Variants in REPS2 observed in about 807,000 individuals in gnomAD.
The protein encoded by REPS2 is RALBP1 associated Eps domain containing 2.
Under a neutral mutation model 53.6 loss-of-function variants are expected in REPS2, and 23 were observed. The observed-to-expected ratio is 0.43, with a 90% confidence interval of 0.31 to 0.61. The LOEUF (loss-of-function observed/expected upper bound fraction) is 0.61, where lower values mean the gene tolerates loss of function less well. Ranked by LOEUF, REPS2 falls within the 20% of genes least tolerant of loss-of-function variation. REPS2 has a pLI of 0.11. For missense variants in REPS2, 446 were observed against 534.9 expected, an observed-to-expected ratio of 0.83 and a Z score of 1.64; for synonymous variants, 238 against 218.6, an observed-to-expected ratio of 1.09 and a Z score of -0.78.
At chrX:17,041,368 C>A (rs1160146085) in intron 5 of REPS2, among the ~76,000 whole-genome samples, 1 of 111,864 alleles carries the variant, frequency 8.9e-6, no homozygotes, top group Non-Finnish European at 1.9e-5. Context: ...GTAATCCCAC[C>A]TATCAGCACT....
chrX:17,000,491 C>G (rs2061293076), intron 1 of REPS2, among the ~76,000 whole-genome samples: 1 of 111,474 alleles, frequency 9.0e-6, no homozygotes, highest in African/African-American at 3.3e-5. Flanking sequence ...AGAAAATACA[C>G]TTTCTACATG....
At chrX:16,964,288 T>G (rs1233184361) in intron 1 of REPS2, among the ~76,000 whole-genome samples, 1 of 109,507 alleles carries the variant, frequency 9.1e-6, no homozygotes, top group Non-Finnish European at 1.9e-5. Flanking sequence ...TGCACCGCCC[T>G]TAATCCATTC....
chrX:17,138,654 C>A (rs766209707), intron 16 of REPS2: 3 of 292,186 alleles, frequency 1.0e-5, no homozygotes, highest in African/African-American at 8.2e-5. Context: ...GGAATTACTT[C>A]AGGTGTAAAT....
At chrX:17,160,273 A>G in the REPS2 span, among the ~76,000 whole-genome samples, 2 of 112,590 alleles carry the variant, frequency 1.8e-5, no homozygotes, top group South Asian at 7.3e-4. Context: ...CCAGTACTTG[A>G]TGATTTGGGA....
intron 2 of REPS2, among the ~76,000 whole-genome samples, chrX:17,017,121 ACCACCATGCCTG>A (rs1299291373): frequency 1.8e-5 from 2 of 111,098 alleles, no homozygotes; most frequent in African/African-American, 6.6e-5. Context: ...ATAGGTGTAC[ACCACCATGCCTG>A]GCTAATTTTT....
intron 2 of REPS2, among the ~76,000 whole-genome samples, chrX:17,016,553 G>A (rs1458566491): frequency 1.8e-5 from 2 of 110,912 alleles, no homozygotes; most frequent in African/African-American, 6.6e-5. Flanking sequence ...GGGACTACAG[G>A]CCTGTGCCAC....
At chrX:17,075,168 C>T (rs190913793) in intron 12 of REPS2, among the ~76,000 whole-genome samples, 1 of 112,023 alleles carries the variant, frequency 8.9e-6, no homozygotes, top group African/African-American at 3.2e-5. Context: ...TTTCTGTGGT[C>T]AACACATTTA....
chrX:17,178,760 T>A, the REPS2 span, among the ~76,000 whole-genome samples: 10 of 111,031 alleles, frequency 9.0e-5, no homozygotes, highest in African/African-American at 3.0e-4. Context: ...AAACCCTGTC[T>A]CTACTAAAAA....
chrX:17,159,612 A>G, the REPS2 span, among the ~76,000 whole-genome samples: 1 of 111,702 alleles, frequency 9.0e-6, no homozygotes, highest in African/African-American at 3.3e-5. Context: ...GCCTCACTCC[A>G]TCATCTATAC....
intron 14 of REPS2, among the ~76,000 whole-genome samples, chrX:17,133,046 C>T (rs1352023136): frequency 8.9e-6 from 1 of 112,526 alleles, no homozygotes; most frequent in African/African-American, 3.2e-5. Context: ...ATCCCCAGCG[C>T]CTTCAACTTT....
Position 17,022,176 on chromosome X carries a change from G to A in REPS2, c.451G>A (p.Gly151Arg), listed in dbSNP as rs772897180. ...MSKNDGEIRF[G>R]NPAELHGTKV... ...AAAGAATGATGGTGAGATACGATTTGGGAACCCAGCTGAGCTGCATGGAAC... is the reference window on the plus strand; with the variant it reads ...AAAGAATGATGGTGAGATACGATTTAGGAACCCAGCTGAGCTGCATGGAAC... The change falls in exon 3 of 18, where the codon GGG (glycine) becomes AGG (arginine). Residue 151 changes from glycine to arginine, a missense_variant. Physicochemically the swap from Gly to Arg is moderately radical, Grantham distance 125. Transcript: ENST00000357277. The A allele has an allele frequency of 9.9e-6, 12 of 1,206,941 alleles. No individual in the cohort carries two copies. In the African/African-American group the frequency reaches 2.1e-4, roughly 21 times the overall value.
chrX:16,952,880 C>G (rs1221060719), intron 1 of REPS2, among the ~76,000 whole-genome samples: 2 of 111,306 alleles, frequency 1.8e-5, no homozygotes, highest in Non-Finnish European at 3.8e-5. Context: ...AATCCTAGCA[C>G]TTTGGGAGGC....
At chrX:17,167,889 A>G in the REPS2 span, among the ~76,000 whole-genome samples, 1 of 110,833 alleles carries the variant, frequency 9.0e-6, no homozygotes, top group East Asian at 2.9e-4. Context: ...AATGTCTGCA[A>G]TTAAAAACTG....
intron 3 of REPS2, 39 bp downstream of exon 3, chrX:17,022,310 C>T (rs1230607091): frequency 8.9e-7 from 1 of 1,127,052 alleles, no homozygotes; most frequent in South Asian, 2.0e-5. Flanking sequence ...TGATTCTGAC[C>T]ATGAAACCGC....
At chrX:17,022,051 C>T in intron 2 of REPS2, 72 bp from the exon 3 acceptor site, 6 of 947,737 alleles carry the variant, frequency 6.3e-6, no homozygotes, top group Non-Finnish European at 4.4e-6. Context: ...CATCGTTTGG[C>T]CATTGAGTTC....
At chrX:16,948,893 C>T (rs1056519475) in intron 1 of REPS2, among the ~76,000 whole-genome samples, 2 of 112,142 alleles carry the variant, frequency 1.8e-5, no homozygotes, top group African/African-American at 6.5e-5. Flanking sequence ...GCTCGAAGCT[C>T]CCTTATTCAG....
chrX:17,066,567 T>C (rs2062227834), intron 9 of REPS2, among the ~76,000 whole-genome samples: 1 of 112,472 alleles, frequency 8.9e-6, no homozygotes, highest in Non-Finnish European at 1.9e-5. Context: ...CTATTGGAGA[T>C]AGTAGACTTT....
At chrX:17,159,056 G>C in the REPS2 span, among the ~76,000 whole-genome samples, 2 of 111,816 alleles carry the variant, frequency 1.8e-5, no homozygotes, top group Non-Finnish European at 1.9e-5. Context: ...AATAATTAAA[G>C]AATATTTCAA....
chrX:17,109,911 CACTTAA>C (rs1217441027), intron 14 of REPS2, among the ~76,000 whole-genome samples: 1 of 112,515 alleles, frequency 8.9e-6, no homozygotes, highest in East Asian at 2.8e-4. Context: ...AACTGCAGCT[CACTTAA>C]ACTTAAATGG....
Sources: gnomAD v4.1 joint callset for allele counts (sites outside exome capture counted in the v4.1 genomes callset) on GRCh38, gnomAD v4.1.1 for gene constraint, MANE v1.5 for transcripts, NCBI Gene and HGNC (gene_info 2026-07-23, HGNC 2026-07-21) for gene names.